The following ZFYVE27 variants were observed in gnomAD, a reference collection of about 807,000 sequenced individuals.
ZFYVE27 encodes zinc finger FYVE-type containing 27.
ZFYVE27 carries 36 observed loss-of-function variants against 52.8 expected under a neutral mutation model. The observed-to-expected ratio is 0.68, with a 90% CI of 0.52 to 0.90. The LOEUF (loss-of-function observed/expected upper bound fraction) is 0.90. ZFYVE27 is among the 40% of genes least tolerant of loss of function. The probability of loss-of-function intolerance (pLI) is 0.00; values close to 1 mark genes in which losing one functional copy is unlikely to be tolerated. For synonymous variants in ZFYVE27, 223 were observed against 215.6 expected, an observed-to-expected ratio of 1.03 and a Z score of -0.30; for missense variants, 450 against 527.2, an observed-to-expected ratio of 0.85 and a Z score of 1.43.
rs1489784934 is a variant in ZFYVE27 at position 97,738,482 on chromosome 10, A to T, written c.5A>T (p.Gln2Leu). Residue 2 changes from glutamine (Q) to leucine (L), a missense_variant, in exon 2 of 13, where the codon CAG becomes CTG. By Grantham distance (113) the Gln-to-Leu change is moderately radical (BLOSUM62 -2). Coordinates refer to ENST00000684270, the MANE Select transcript of ZFYVE27 (RefSeq NM_001385875.1). Reference protein sequence around the residue: MQTSEREGSGPE... With the variant: MLTSEREGSGPE... Reference sequence around the variant, plus strand: ...GGGAATTATTATGGTTACAGGATGCAGACATCAGAACGTGAGGGGAGTGGG... The same window carrying T: ...GGGAATTATTATGGTTACAGGATGCTGACATCAGAACGTGAGGGGAGTGGG... 6.2e-7 allele frequency: 1 copy of T among 1,614,048 alleles called. No homozygotes were observed. Among genetic ancestry groups the T allele is most frequent in the Middle Eastern group, 1.7e-4 (1 of 5,950 alleles).
Position 97,759,439 on chromosome 10 carries a change from A to T in ZFYVE27, c.*139A>T. ...TAGGTAGGCTTCCCCTTCCTTCCTC[A>T]CTCTCTCCAGCTGGATTCTGGAGCT... On this transcript the variant is annotated 3_prime_UTR_variant, in exon 13 of 13. Transcript: ENST00000684270. 4.7e-6 allele frequency: 4 copies of T among 847,336 alleles called. No homozygotes were observed. Among genetic ancestry groups the T allele is most frequent in the Non-Finnish European group, 5.9e-6 (3 of 509,574 alleles). The allele number at this position is 847,336 out of a possible 1,614,324, so 52.5% of individuals were successfully genotyped here. A position where few individuals can be genotyped will look rare whatever the true frequency, so the allele number is the denominator to read the frequency against.
At chr10:97,752,978 G>A (rs188325312) in intron 9 of ZFYVE27, 60 bp from the exon 10 acceptor site, 1 of 1,613,092 alleles carries the variant, frequency 6.2e-7, no homozygotes, top group Admixed American at 1.7e-5. Context: ...GGATGCCTCT[G>A]CACACGGGTC....
At chr10:97,750,137 T>C in intron 6 of ZFYVE27, 194 bp from the exon 7 acceptor site, 1 of 634,896 alleles carries the variant, frequency 1.6e-6, no homozygotes, top group East Asian at 2.8e-5. Context: ...TCTCTGTAGC[T>C]GTCTGGGGCA....
At position 97,757,312 on chromosome 10, in the gene ZFYVE27, G is replaced by A. The variant is rs1194557067; in HGVS notation, c.1089+1G>A. ...CACCTTCTCAGTGCTGAAGAAGAGG[G>A]TGAGTGTCTGTGAGGGTGCATTTGT... is the stretch of plus-strand genomic sequence containing the variant. On this transcript the variant is annotated splice_donor_variant, in intron 11 of 12. Transcript: ENST00000684270. LOFTEE classifies it high-confidence loss of function. 3.1e-6 allele frequency: 5 copies of A among 1,614,046 alleles called. No homozygotes were observed. Among genetic ancestry groups the A allele is most frequent in the East Asian group, 2.2e-5 (1 of 44,890 alleles).
intron 9 of ZFYVE27, 71 bp downstream of exon 9, chr10:97,752,948 C>G: frequency 6.2e-7 from 1 of 1,612,676 alleles, no homozygotes; most frequent in South Asian, 1.1e-5. Flanking sequence ...GCTGCCACAC[C>G]TCGTGGGGGC....
chr10:97,743,209 G>A (rs113135754), intron 3 of ZFYVE27, 45 bp downstream of exon 3: 4 of 1,607,372 alleles, frequency 2.5e-6, no homozygotes, highest in South Asian at 2.2e-5. Flanking sequence ...GAACGAATGT[G>A]GGGGAAGAAC....
intron 8 of ZFYVE27, 104 bp from the exon 9 acceptor site, chr10:97,752,753 C>A (rs925784639): frequency 1.8e-5 from 24 of 1,312,888 alleles, no homozygotes; most frequent in Non-Finnish European, 2.6e-5. Context: ...CAGAGCAGCG[C>A]TTCCATGCTT....
chr10:97,742,463 C>T (rs368837887), intron 2 of ZFYVE27, among the ~76,000 whole-genome samples: 22 of 152,286 alleles, frequency 1.4e-4, no homozygotes, highest in African/African-American at 5.3e-4. Context: ...TGTTCCAGCT[C>T]ACTTAAGGTG....
chr10:97,750,939 T>C (rs994548628), intron 7 of ZFYVE27, among the ~76,000 whole-genome samples: 8 of 152,066 alleles, frequency 5.3e-5, no homozygotes, highest in African/African-American at 1.9e-4. Context: ...GATGAGGTTT[T>C]GCCATGTTGC....
intron 10 of ZFYVE27, among the ~76,000 whole-genome samples, chr10:97,756,354 A>G (rs1425740485): frequency 6.6e-6 from 1 of 152,078 alleles, no homozygotes; most frequent in Non-Finnish European, 1.5e-5. Context: ...CCCTGAACCT[A>G]GGGAGTCTCC....
At chr10:97,752,136 T>A (rs1410662005) in intron 8 of ZFYVE27, among the ~76,000 whole-genome samples, 1 of 152,212 alleles carries the variant, frequency 6.6e-6, no homozygotes, top group East Asian at 1.9e-4. Context: ...CAGGTGGTCC[T>A]CAACACCCCC....
Position 97,738,982 on chromosome 10 carries a change from T to C in ZFYVE27, c.197+308T>C, listed in dbSNP as rs939533144. On this transcript the variant is annotated intron_variant, in intron 2 of 12. Coordinates refer to ENST00000684270, the MANE Select transcript of ZFYVE27 (RefSeq NM_001385875.1). Reference sequence around the variant, plus strand: ...ACGCCTTCTACAGCTTAGAGCAGGCTTAATTTTTTCCTTTGCCCCCAATAT... The same window carrying C: ...ACGCCTTCTACAGCTTAGAGCAGGCCTAATTTTTTCCTTTGCCCCCAATAT... 9.7e-6 allele frequency: 3 copies of C among 308,110 alleles called. No homozygotes were observed. The Admixed American group carries it at 1.3e-4, about 13-fold the overall frequency. The allele number at this position is 308,110 out of a possible 1,614,324, so 19.1% of individuals were successfully genotyped here.
At chr10:97,745,102 C>CTT (rs764241331) in intron 4 of ZFYVE27, among the ~76,000 whole-genome samples, 187 bp downstream of exon 4, 1 of 152,164 alleles carries the variant, frequency 6.6e-6, no homozygotes, top group Non-Finnish European at 1.5e-5. Flanking sequence ...AAAAGGCTGA[C>CTT]TTACTTAGCT....
rs1450216809 is a variant in ZFYVE27, at chr10:97,760,780, C to T, written c.*1480C>T. 3 of 152,282 alleles carry T rather than the reference C, an allele frequency of 2.0e-5. No individual in the cohort carries two copies. The highest frequency in any genetic ancestry group is 4.4e-5 in the Non-Finnish European group (3 of 68,080). 9.4% of individuals were successfully genotyped at this position (152,282 alleles called of 1,614,324 possible). On this transcript the variant is annotated 3_prime_UTR_variant, in exon 13 of 13. Transcript: ENST00000684270. ...CAGACAGGCTTTGGTATCGTATCGCCTCTGTGTCCTTTTAAGAGAGGAGAG... is the reference window on the plus strand; with the variant it reads ...CAGACAGGCTTTGGTATCGTATCGCTTCTGTGTCCTTTTAAGAGAGGAGAG...
chr10:97,752,986 G>T, intron 9 of ZFYVE27, 52 bp from the exon 10 acceptor site: 1 of 1,613,056 alleles, frequency 6.2e-7, no homozygotes, highest in African/African-American at 1.3e-5. Flanking sequence ...CTGCACACGG[G>T]TCCTGCAGCC....
In ZFYVE27 at chr10:97,744,872, G is replaced by A; in HGVS notation, c.412G>A (p.Gly138Ser). Residue 138 changes from glycine (G) to serine (S), a missense_variant, in exon 4 of 13, where the codon GGT becomes AGT. By Grantham distance (56) the Gly-to-Ser change is moderately conservative. Coordinates refer to ENST00000684270, the MANE Select transcript of ZFYVE27 (RefSeq NM_001385875.1). ...CGTGAGGCAGGAGGACCTGCAGAGA[G>A]GTCGCCTGTCTCGTCCCGAGGCCGT... ...HSVRQEDLQR[G>S]RLSRPEAVAE... The A allele has an allele frequency of 6.2e-7, 1 of 1,609,684 alleles. No homozygotes were observed. Among genetic ancestry groups the A allele is most frequent in the Non-Finnish European group, 8.5e-7 (1 of 1,177,842 alleles).
chr10:97,757,556 G>A, intron 11 of ZFYVE27, 86 bp from the exon 12 acceptor site: 2 of 1,465,596 alleles, frequency 1.4e-6, no homozygotes, highest in Non-Finnish European at 1.9e-6. Context: ...CCTTGGGTGG[G>A]ATCAGCTGGT....
chr10:97,751,402 G>A lies in ZFYVE27; in HGVS notation c.816G>A (p.Pro272=), dbSNP rs561011837. ...PALTPTEDLT[P]GSVEEAEEAE... ...GTCTCTCTTCCCAGGACCTCACACC[G>A]GGCAGCGTGGAGGAGGCTGAGGAGG... Residue 272 remains proline (P), a synonymous_variant, in exon 8 of 13, where the codon CCG becomes CCA. Coordinates refer to ENST00000684270, the MANE Select transcript of ZFYVE27 (RefSeq NM_001385875.1). The A allele has an allele frequency of 3.0e-5, 48 of 1,613,674 alleles. No individual in the cohort carries two copies. The highest frequency in any genetic ancestry group is 6.6e-5 in the South Asian group (6 of 91,052).
At position 97,743,255 on chromosome 10, in the gene ZFYVE27, C is replaced by G. The variant is rs2044234771; in HGVS notation, c.268+91C>G. On this transcript the variant is annotated intron_variant, in intron 3 of 12. Coordinates refer to ENST00000684270, the MANE Select transcript of ZFYVE27 (RefSeq NM_001385875.1). ...AGCCCCACCCTATGTGTGGGAGCTG[C>G]TCTTGTTGCCCTGGAGTTAGTGTTC... 6 of 1,432,690 alleles carry G rather than the reference C, an allele frequency of 4.2e-6. No individual in the cohort carries two copies. In the East Asian group the frequency reaches 1.4e-4, roughly 33 times the overall value. 88.7% of individuals were successfully genotyped at this position (1,432,690 alleles called of 1,614,324 possible).
Sources: allele counts gnomAD v4.1 joint callset (sites outside exome capture counted in the v4.1 genomes callset), GRCh38; gene constraint gnomAD v4.1.1; transcripts MANE v1.5; gene names NCBI Gene and HGNC (gene_info 2026-07-23, HGNC 2026-07-21).